EYS: variants seen among roughly 807,000 people sequenced by gnomAD.
EYS encodes EGF-like photoreceptor maintenance factor, also known as protein eyes shut homolog.
In EYS, 250 loss-of-function variants were observed where a neutral mutation model predicts 282.1. The ratio of observed to expected loss-of-function variants is 0.89; its 90% confidence interval spans 0.80 to 0.98. The LOEUF (loss-of-function observed/expected upper bound fraction) is 0.98, where lower values mean the gene tolerates loss of function less well. Ranked by LOEUF, EYS falls within the 50% of genes least tolerant of loss-of-function variation. The pLI, the probability that EYS is intolerant of heterozygous loss-of-function variation, is 0.00. For missense variants in EYS, 4,016 were observed against 3,709.0 expected (o/e 1.08, Z -2.15); for synonymous variants, 1,355 against 1,282.9 (o/e 1.06, Z -1.20).
intron 22 of EYS, chr6:64,713,196 T>C (rs1225992580): frequency 6.6e-6 from 1 of 152,202 alleles, no homozygotes; most frequent in Non-Finnish European, 1.5e-5. Flanking sequence ...CCTTCAAACA[T>C]GCAGCAGCAT....
chr6:63,978,980 A>G (rs905344346), intron 35 of EYS, among the ~76,000 whole-genome samples: 14 of 151,960 alleles, frequency 9.2e-5, no homozygotes, highest in African/African-American at 3.4e-4. Flanking sequence ...GAATAATGAT[A>G]ATTTCTGAAT....
At chr6:65,583,489 T>C (rs1447977436) in intron 2 of EYS, among the ~76,000 whole-genome samples, 2 of 152,100 alleles carry the variant, frequency 1.3e-5, no homozygotes, top group African/African-American at 4.8e-5. Flanking sequence ...GGTATTCCAC[T>C]ACAAATAATA....
At chr6:63,997,838 C>T (rs1444526366) in intron 34 of EYS, among the ~76,000 whole-genome samples, 2 of 151,974 alleles carry the variant, frequency 1.3e-5, no homozygotes, top group East Asian at 3.9e-4. Context: ...TTATGCTATT[C>T]ATAAGAAAAT....
chr6:64,604,201 A>T (rs374298321), intron 24 of EYS, among the ~76,000 whole-genome samples: 1 of 152,040 alleles, frequency 6.6e-6, no homozygotes, highest in South Asian at 2.1e-4. Context: ...TTATTTTCCT[A>T]GGTTATCCAC....
intron 31 of EYS, among the ~76,000 whole-genome samples, chr6:64,133,372 A>G (rs1774048859): frequency 6.6e-6 from 1 of 151,888 alleles, no homozygotes; most frequent in South Asian, 2.1e-4. Context: ...ATATCTCCCT[A>G]CATATCTATA....
Position 64,940,393 on chromosome 6 carries a change from A to T in EYS, c.2381+5400T>A, listed in dbSNP as rs539177904. ...ATAGGAAGAGCTAAATGCCAAAAAA[A>T]GGATATATCAGAGTCTCAATGAAAG... On this transcript the variant is annotated intron_variant, in intron 15 of 42. Coordinates refer to ENST00000503581, the MANE Select transcript of EYS (RefSeq NM_001142800.2). 2.6e-3 allele frequency among the ~76,000 whole-genome samples: 402 copies of T among 152,232 alleles called. 4 individuals carry two copies. Among genetic ancestry groups the T allele is most frequent in the African/African-American group, 9.1e-3 (379 of 41,566 alleles).
intron 22 of EYS, among the ~76,000 whole-genome samples, chr6:64,735,469 G>A (rs182980440): frequency 1.8e-3 from 270 of 152,082 alleles, no homozygotes; most frequent in Non-Finnish European, 3.2e-3. Flanking sequence ...AAAATTGCAT[G>A]AATATACTCC....
rs1417321820 is a variant in EYS at position 65,165,049 on chromosome 6, C to T, written c.2024-107322G>A. Among the ~76,000 whole-genome samples, 6 of 151,188 alleles carry T rather than the reference C, an allele frequency of 4.0e-5. No homozygotes were observed. The South Asian group carries it at 1.0e-3, about 26-fold the overall frequency. On this transcript the variant is annotated intron_variant, in intron 12 of 42. Transcript: ENST00000503581. Reference sequence around the variant, plus strand: ...TTGAACATATAACTTTAGGGGTACACGGTTAAACCTATAACAGTAGCTATC... The same window carrying T: ...TTGAACATATAACTTTAGGGGTACATGGTTAAACCTATAACAGTAGCTATC...
chr6:65,527,339 G>A (rs1340561954), intron 2 of EYS, among the ~76,000 whole-genome samples: 6 of 152,156 alleles, frequency 3.9e-5, no homozygotes, highest in Non-Finnish European at 7.3e-5. Flanking sequence ...TATGACTCAC[G>A]TATGGGTTGG....
chr6:64,633,623 CA>C (rs1196882346), intron 22 of EYS, among the ~76,000 whole-genome samples: 2 of 31,742 alleles, frequency 6.3e-5, no homozygotes, highest in Admixed American at 1.1e-3. Flanking sequence ...ATACTTTTCT[CA>C]GCAAAAAAAA....
intron 12 of EYS, among the ~76,000 whole-genome samples, chr6:65,181,666 T>C (rs1434690496): frequency 6.6e-6 from 1 of 152,166 alleles, no homozygotes; most frequent in Non-Finnish European, 1.5e-5. Context: ...CTTAGGGATC[T>C]AGAACTAGAA....
At chr6:64,449,320 GA>G (rs1335459922) in intron 26 of EYS, among the ~76,000 whole-genome samples, 1 of 152,066 alleles carries the variant, frequency 6.6e-6, no homozygotes, top group Non-Finnish European at 1.5e-5. Context: ...AAAATACAAA[GA>G]AATGAACAAA....
chr6:64,728,811 G>GA (rs1771858224), intron 22 of EYS: 1 of 152,240 alleles, frequency 6.6e-6, no homozygotes, highest in Admixed American at 6.6e-5. Flanking sequence ...CAGTGTCCAG[G>GA]AAAAATCAGG....
intron 2 of EYS, among the ~76,000 whole-genome samples, chr6:65,606,649 C>A (rs1907015): frequency 0.36 from 53,988 of 151,550 alleles, 12,034 homozygotes; most frequent in Non-Finnish European, 0.49. Context: ...ATAACAAATA[C>A]AACTGGCTTT....
intron 35 of EYS, among the ~76,000 whole-genome samples, chr6:63,904,281 A>G (rs1773722739): frequency 1.3e-5 from 2 of 152,064 alleles, no homozygotes; most frequent in Non-Finnish European, 2.9e-5. Context: ...AGTCTGATAC[A>G]TTTATTTCTC....
At chr6:64,111,727 T>C (rs113159045) in intron 31 of EYS, among the ~76,000 whole-genome samples, 2 of 152,002 alleles carry the variant, frequency 1.3e-5, no homozygotes, top group African/African-American at 4.8e-5. Flanking sequence ...TATTTTTAAA[T>C]AGTAATCAGA....
Position 63,795,757 on chromosome 6 carries a change from G to A in EYS, c.7412-6533C>T, listed in dbSNP as rs189049847. Reference sequence around the variant, plus strand: ...TAATTTGCATGTATGAACGAGAAGGGGAAATCTATTATATAGGAAGGAGGA... The same window carrying A: ...TAATTTGCATGTATGAACGAGAAGGAGAAATCTATTATATAGGAAGGAGGA... On this transcript the variant is annotated intron_variant, in intron 37 of 42. Transcript: ENST00000503581. 3.9e-5 allele frequency among the ~76,000 whole-genome samples: 6 copies of A among 152,206 alleles called. No homozygotes were observed. The East Asian group carries it at 9.7e-4, about 25-fold the overall frequency.
chr6:65,180,495 A>T (rs1469567640), intron 12 of EYS, among the ~76,000 whole-genome samples: 6 of 152,134 alleles, frequency 3.9e-5, no homozygotes. Flanking sequence ...AATCCAACTT[A>T]CAAGGGACGT....
chr6:65,074,933 C>G (rs1161378492), intron 12 of EYS, among the ~76,000 whole-genome samples: 1 of 151,904 alleles, frequency 6.6e-6, no homozygotes, highest in Admixed American at 6.6e-5. Context: ...GGCACATTGT[C>G]TAAGAGTTTC....
Sources: allele counts gnomAD v4.1 joint callset (sites outside exome capture counted in the v4.1 genomes callset), GRCh38; gene constraint gnomAD v4.1.1; transcripts MANE v1.5; gene names NCBI Gene and HGNC (gene_info 2026-07-23, HGNC 2026-07-21).